KALRN: variants seen among roughly 807,000 people sequenced by gnomAD.
The protein encoded by KALRN is kalirin.
Under a neutral mutation model 353.7 loss-of-function variants are expected in KALRN, and 70 were observed. The observed-to-expected ratio is 0.20, with a 90% CI of 0.16 to 0.24. The LOEUF (loss-of-function observed/expected upper bound fraction) is 0.24, where lower values mean the gene tolerates loss of function less well. KALRN is among the 10% of genes least tolerant of loss of function. The pLI, the probability that KALRN is intolerant of heterozygous loss-of-function variation, is 1.00. For synonymous variants in KALRN, 1,391 were observed against 1,434.8 expected, an observed-to-expected ratio of 0.97 and a Z score of 0.69; for missense variants, 2,791 against 3,756.7, an observed-to-expected ratio of 0.74 and a Z score of 6.72.
chr3:124,506,366 C>T (rs1406281018), intron 33 of KALRN, among the ~76,000 whole-genome samples: 1 of 152,176 alleles, frequency 6.6e-6, no homozygotes, highest in Non-Finnish European at 1.5e-5. Flanking sequence ...GTGTTGAGCA[C>T]GCATGTTCTC....
At chr3:124,114,914 G>A (rs1241081245) in intron 1 of KALRN, among the ~76,000 whole-genome samples, 1 of 152,196 alleles carries the variant, frequency 6.6e-6, no homozygotes, top group Non-Finnish European at 1.5e-5. Flanking sequence ...TAACAAATAT[G>A]TATTGAATGC....
At chr3:124,238,105 C>T (rs1312616511) in intron 3 of KALRN, among the ~76,000 whole-genome samples, 1 of 152,160 alleles carries the variant, frequency 6.6e-6, no homozygotes, top group Non-Finnish European at 1.5e-5. Flanking sequence ...ATTCATCTGG[C>T]CAGCTTCATT....
intron 1 of KALRN, among the ~76,000 whole-genome samples, chr3:124,086,142 A>G (rs1365980815): frequency 6.6e-6 from 1 of 151,296 alleles, no homozygotes; most frequent in Non-Finnish European, 1.5e-5. Flanking sequence ...TTTTTCTGTT[A>G]TAGAATACAC....
intron 51 of KALRN, among the ~76,000 whole-genome samples, chr3:124,683,419 T>A (rs1333702811): frequency 2.0e-5 from 3 of 152,188 alleles, no homozygotes; most frequent in African/African-American, 7.2e-5. Context: ...CAATGCTCAC[T>A]TCTGTTTTTG....
intron 10 of KALRN, among the ~76,000 whole-genome samples, chr3:124,359,958 C>G (rs2083836303): frequency 6.6e-6 from 1 of 152,228 alleles, no homozygotes; most frequent in Non-Finnish European, 1.5e-5. Flanking sequence ...CAGGTACTGA[C>G]AAACATCATC....
At chr3:124,572,039 G>A (rs968314276) in intron 34 of KALRN, among the ~76,000 whole-genome samples, 1 of 151,818 alleles carries the variant, frequency 6.6e-6, no homozygotes, top group African/African-American at 2.4e-5. Flanking sequence ...AAAAATGGTT[G>A]AGACTGGGTG....
At chr3:124,647,439 A>C (rs1708314) in intron 37 of KALRN, among the ~76,000 whole-genome samples, 1 of 151,896 alleles carries the variant, frequency 6.6e-6, no homozygotes, top group Admixed American at 6.6e-5. Flanking sequence ...CTTTCACCCT[A>C]TACTCACAAT....
intron 23 of KALRN, among the ~76,000 whole-genome samples, chr3:124,461,217 A>G (rs1434042281): frequency 5.3e-5 from 8 of 152,242 alleles, no homozygotes; most frequent in African/African-American, 7.2e-5. Context: ...TTTAGTGTCC[A>G]TAAATGTTTT....
intron 33 of KALRN, among the ~76,000 whole-genome samples, chr3:124,523,176 G>T (rs896064340): frequency 6.6e-6 from 1 of 152,168 alleles, no homozygotes; most frequent in Non-Finnish European, 1.5e-5. Flanking sequence ...GAGACTCCCA[G>T]ATCTCTTACT....
chr3:124,277,422 CT>C (rs1003135612), intron 5 of KALRN, among the ~76,000 whole-genome samples: 5 of 152,174 alleles, frequency 3.3e-5, no homozygotes, highest in East Asian at 1.9e-4. Context: ...ATCCCGCCCC[CT>C]GACACAGAAC....
At chr3:124,146,713 A>G in intron 1 of KALRN, among the ~76,000 whole-genome samples, 1 of 152,014 alleles carries the variant, frequency 6.6e-6, no homozygotes, top group Non-Finnish European at 1.5e-5. Context: ...CCCCATCTCT[A>G]CTAAAAATAC....
At chr3:124,587,240 C>G (rs1049888679) in intron 34 of KALRN, among the ~76,000 whole-genome samples, 3 of 147,546 alleles carry the variant, frequency 2.0e-5, no homozygotes, top group Non-Finnish European at 4.6e-5. Flanking sequence ...TAAAGGCGGC[C>G]GGTTGTTTGG....
At chr3:124,129,763 C>T (rs1578381130) in intron 1 of KALRN, among the ~76,000 whole-genome samples, 2 of 152,182 alleles carry the variant, frequency 1.3e-5, no homozygotes, top group Non-Finnish European at 2.9e-5. Context: ...TGTTTTCATT[C>T]CCCAGGAAAC....
chr3:124,310,170 C>A, intron 6 of KALRN, among the ~76,000 whole-genome samples: 1 of 150,734 alleles, frequency 6.6e-6, no homozygotes, highest in Admixed American at 6.6e-5. Context: ...TTTATAATAG[C>A]ATAAAAAAGA....
At chr3:124,471,884 G>T (rs551892299) in intron 25 of KALRN, among the ~76,000 whole-genome samples, 2 of 149,284 alleles carry the variant, frequency 1.3e-5, no homozygotes, top group East Asian at 4.2e-4. Context: ...GGAGAATGGC[G>T]TGAACCTGGG....
chr3:124,308,530 C>T (rs922079916), intron 6 of KALRN, among the ~76,000 whole-genome samples: 6 of 151,528 alleles, frequency 4.0e-5, no homozygotes, highest in African/African-American at 7.3e-5. Flanking sequence ...CAGAAATTCA[C>T]GAATAGGTGG....
At chr3:124,257,986 G>A (rs1414015293) in intron 3 of KALRN, among the ~76,000 whole-genome samples, 1 of 131,380 alleles carries the variant, frequency 7.6e-6, no homozygotes, top group African/African-American at 2.8e-5. Context: ...ATCACCTAAA[G>A]GAAAAAAAGC....
At position 124,492,898 on chromosome 3, in the gene KALRN, C is replaced by T. The variant is rs751106776; in HGVS notation, c.4832+16C>T. 1.9e-6 allele frequency: 3 copies of T among 1,610,902 alleles called. No homozygotes were observed. The highest frequency in any genetic ancestry group is 2.5e-6 in the Non-Finnish European group (3 of 1,177,552). ...ATAGTAAGAGGTAACCAGCACCTCTCCCTCCAGCACTGCCTGCCTCACAGG... is the reference window on the plus strand; with the variant it reads ...ATAGTAAGAGGTAACCAGCACCTCTTCCTCCAGCACTGCCTGCCTCACAGG... On this transcript the variant is annotated intron_variant, in intron 32 of 59. Transcript: ENST00000682506.
rs115001024 is a variant in KALRN, at chr3:124,060,808, C to T, written c.73+26995C>T. Among the ~76,000 whole-genome samples the T allele has an allele frequency of 2.7e-3, 408 of 152,322 alleles. 1 individual carries two copies. The highest frequency in any genetic ancestry group is 9.4e-3 in the African/African-American group (389 of 41,572). On this transcript the variant is annotated intron_variant, in intron 1 of 59. Coordinates refer to ENST00000682506, the MANE Select transcript of KALRN (RefSeq NM_001388419.1). ...GCTGACACCATGACTTGCCTGGAGA[C>T]ATTGTGGGGTGTATGTACCTGACCT...
Sources: allele counts gnomAD v4.1 joint callset (sites outside exome capture counted in the v4.1 genomes callset), GRCh38; gene constraint gnomAD v4.1.1; transcripts MANE v1.5; gene names NCBI Gene and HGNC (gene_info 2026-07-23, HGNC 2026-07-21).